The following CACNG5 variants were observed in gnomAD, a reference collection of about 807,000 sequenced individuals.
CACNG5 encodes calcium voltage-gated channel auxiliary subunit gamma 5, also known as voltage-dependent calcium channel gamma-5 subunit.
CACNG5 carries 18 observed loss-of-function variants against 24.8 expected under a neutral mutation model. That is an observed-to-expected ratio of 0.73 (90% CI 0.50 to 1.08). The LOEUF (loss-of-function observed/expected upper bound fraction) is 1.08. CACNG5 is among the 50% of genes least tolerant of loss of function. The pLI, the probability that CACNG5 is intolerant of heterozygous loss-of-function variation, is 0.00. For synonymous variants in CACNG5, 157 were observed against 149.1 expected (o/e 1.05, Z -0.39); for missense variants, 349 against 367.9 (o/e 0.95, Z 0.42).
chr17:66,857,577 T>C (rs1262159134), intron 1 of CACNG5, among the ~76,000 whole-genome samples: 17 of 152,208 alleles, frequency 1.1e-4, no homozygotes, highest in Admixed American at 1.1e-3. Flanking sequence ...TCATACTACA[T>C]CTTAGAAATC....
rs1977313254 is a variant in CACNG5, at chr17:66,889,644, G to T, written c.*4404G>T. Among the ~76,000 whole-genome samples the T allele has an allele frequency of 6.6e-6, 1 of 152,198 alleles. No homozygotes were observed. The highest frequency in any genetic ancestry group is 1.5e-5 in the Non-Finnish European group (1 of 68,044). On this transcript the variant is annotated 3_prime_UTR_variant, in exon 6 of 6. Transcript: ENST00000533854. ...CTGGTTGGGCTGGAGACCCGGTGAG[G>T]ACTTGCAGTTCAAGTCCAAACTTGC...
chr17:66,892,280 C>A lies in CACNG5; in HGVS notation c.*7040C>A, dbSNP rs1300060384. On this transcript the variant is annotated 3_prime_UTR_variant, in exon 6 of 6. Coordinates refer to ENST00000533854, the MANE Select transcript of CACNG5 (RefSeq NM_145811.3). ...CATGGGCTCATGCCCAGCCCTTCTG[C>A]CTCTGAGCCCTTTCCCCAAGGAGCT... 1.3e-5 allele frequency among the ~76,000 whole-genome samples: 2 copies of A among 151,838 alleles called. No homozygotes were observed. The highest frequency in any genetic ancestry group is 2.9e-5 in the Non-Finnish European group (2 of 67,968).
chr17:66,893,071 T>G lies in CACNG5; in HGVS notation c.*7831T>G, dbSNP rs1977366670. Among the ~76,000 whole-genome samples the G allele has an allele frequency of 6.6e-6, 1 of 152,170 alleles. No homozygotes were observed. The highest frequency in any genetic ancestry group is 1.5e-5 in the Non-Finnish European group (1 of 68,028). ...TGCAAGCATTATCTCATGTAACCCTTTCCATCCTGTACGTAGAATACTGAG... is the reference window on the plus strand; with the variant it reads ...TGCAAGCATTATCTCATGTAACCCTGTCCATCCTGTACGTAGAATACTGAG... On this transcript the variant is annotated 3_prime_UTR_variant, in exon 6 of 6. Transcript: ENST00000533854.
intron 1 of CACNG5, among the ~76,000 whole-genome samples, chr17:66,844,949 T>C (rs547650658): frequency 2.6e-5 from 4 of 152,194 alleles, no homozygotes; most frequent in Non-Finnish European, 4.4e-5. Flanking sequence ...AATTCTCTTC[T>C]CTTCATTTAA....
chr17:66,857,942 T>C (rs1976804042), intron 1 of CACNG5, among the ~76,000 whole-genome samples: 1 of 152,194 alleles, frequency 6.6e-6, no homozygotes, highest in African/African-American at 2.4e-5. Context: ...ATGACACTCA[T>C]GGGCAGCGGG....
At chr17:66,872,976 T>C (rs1391987166) in intron 1 of CACNG5, among the ~76,000 whole-genome samples, 1 of 152,230 alleles carries the variant, frequency 6.6e-6, no homozygotes, top group Non-Finnish European at 1.5e-5. Flanking sequence ...TGAGCCCATA[T>C]TTCTTCAGTA....
At chr17:66,850,273 G>C (rs891224439) in intron 1 of CACNG5, among the ~76,000 whole-genome samples, 2 of 152,250 alleles carry the variant, frequency 1.3e-5, no homozygotes, top group Non-Finnish European at 2.9e-5. Context: ...TTAATGGCCT[G>C]TTGAGCTCCC....
At chr17:66,862,705 C>T (rs1375105523) in intron 1 of CACNG5, among the ~76,000 whole-genome samples, 2 of 131,642 alleles carry the variant, frequency 1.5e-5, no homozygotes, top group South Asian at 2.7e-4. Flanking sequence ...AGATATGCTT[C>T]CACATGCATC....
Position 66,894,627 on chromosome 17 carries a change from C to G in CACNG5, c.*9387C>G, listed in dbSNP as rs564248812. On this transcript the variant is annotated 3_prime_UTR_variant, in exon 6 of 6. Transcript: ENST00000533854. ...CATTCATTCATTTTTTTTCCTTCCCCCTCCACCCCATGAGCAACCATTCAG... is the reference window on the plus strand; with the variant it reads ...CATTCATTCATTTTTTTTCCTTCCCGCTCCACCCCATGAGCAACCATTCAG... Among the ~76,000 whole-genome samples the G allele has an allele frequency of 6.6e-6, 1 of 151,948 alleles. No individual in the cohort carries two copies. Among genetic ancestry groups the G allele is most frequent in the African/African-American group, 2.4e-5 (1 of 41,358 alleles).
At chr17:66,841,251 C>T (rs1441827787) in intron 1 of CACNG5, among the ~76,000 whole-genome samples, 1 of 152,128 alleles carries the variant, frequency 6.6e-6, no homozygotes, top group Non-Finnish European at 1.5e-5. Context: ...GACAGATGGT[C>T]ACATTCATTT....
At chr17:66,880,498 T>A in intron 3 of CACNG5, 59 bp from the exon 4 acceptor site, 1 of 1,606,972 alleles carries the variant, frequency 6.2e-7, no homozygotes, top group Admixed American at 1.7e-5. Flanking sequence ...CAACTCAGGA[T>A]GATGAGGAAT....
chr17:66,879,162 T>G (rs1056137496), intron 3 of CACNG5, 104 bp downstream of exon 3: 1 of 787,896 alleles, frequency 1.3e-6, no homozygotes, highest in African/African-American at 1.7e-5. Context: ...GGAATGCCCT[T>G]AGACTCAGCT....
At chr17:66,871,751 T>A (rs905525896) in intron 1 of CACNG5, among the ~76,000 whole-genome samples, 1 of 152,132 alleles carries the variant, frequency 6.6e-6, no homozygotes, top group African/African-American at 2.4e-5. Flanking sequence ...TCCCAGCTAC[T>A]CAGGAGGCTG....
chr17:66,869,052 T>C, intron 1 of CACNG5, among the ~76,000 whole-genome samples: 1 of 152,188 alleles, frequency 6.6e-6, no homozygotes, highest in East Asian at 1.9e-4. Context: ...TTTATCGCTC[T>C]TTGGGTATCA....
At chr17:66,880,379 C>T (rs73333291) in intron 3 of CACNG5, among the ~76,000 whole-genome samples, 178 bp from the exon 4 acceptor site, 5,713 of 152,244 alleles carry the variant, frequency 0.038, 348 homozygotes, top group East Asian at 0.12. Flanking sequence ...GGGACAAAAG[C>T]CCTGCTAGTA....
rs1977242318 is a variant in CACNG5 at position 66,885,301 on chromosome 17, G to A, written c.*61G>A. On this transcript the variant is annotated 3_prime_UTR_variant, in exon 6 of 6. Transcript: ENST00000533854. ...CAGACAACCCTTCCTGTTCTCTCCAGGTGACCCCTGAGCCCCAGGCCTGTG... is the reference window on the plus strand; with the variant it reads ...CAGACAACCCTTCCTGTTCTCTCCAAGTGACCCCTGAGCCCCAGGCCTGTG... 1 of 1,513,144 alleles carries A rather than the reference G, an allele frequency of 6.6e-7. No individual in the cohort carries two copies. Among genetic ancestry groups the A allele is most frequent in the Non-Finnish European group, 8.8e-7 (1 of 1,138,326 alleles). 93.7% of individuals were successfully genotyped at this position (1,513,144 alleles called of 1,614,324 possible).
Position 66,889,928 on chromosome 17 carries a change from G to A in CACNG5, c.*4688G>A, listed in dbSNP as rs559070530. On this transcript the variant is annotated 3_prime_UTR_variant, in exon 6 of 6. Coordinates refer to ENST00000533854, the MANE Select transcript of CACNG5 (RefSeq NM_145811.3). ...CCATTGTAAGTGGAGAAAGGACAGC[G>A]GAGGCCGGGGGAGCCACATTCCACC... is the stretch of plus-strand genomic sequence containing the variant. Among the ~76,000 whole-genome samples the A allele has an allele frequency of 1.4e-4, 22 of 152,306 alleles. No individual in the cohort carries two copies. The highest frequency in any genetic ancestry group is 3.4e-3 in the Middle Eastern group (1 of 294).
chr17:66,880,707 G>A lies in CACNG5; in HGVS notation c.424+10G>A. ...TTCTTTATCCTCTCAGGTAAGTTGT[G>A]TTGTTTTCTTTTCTTGCACCCTGGA... On this transcript the variant is annotated intron_variant, in intron 4 of 5. Coordinates refer to ENST00000533854, the MANE Select transcript of CACNG5 (RefSeq NM_145811.3). 1 of 1,611,560 alleles carries A rather than the reference G, an allele frequency of 6.2e-7. No individual in the cohort carries two copies. The highest frequency in any genetic ancestry group is 1.1e-5 in the South Asian group (1 of 90,422).
chr17:66,885,449 C>G lies in CACNG5; in HGVS notation c.*209C>G, dbSNP rs1977244582. ...TGGGAGTCTGGAGTCTGTGGGCAAGCTGATTGTCTGGGAACATGGGAGAAG... is the reference window on the plus strand; with the variant it reads ...TGGGAGTCTGGAGTCTGTGGGCAAGGTGATTGTCTGGGAACATGGGAGAAG... On this transcript the variant is annotated 3_prime_UTR_variant, in exon 6 of 6. Coordinates refer to ENST00000533854, the MANE Select transcript of CACNG5 (RefSeq NM_145811.3). 1.7e-6 allele frequency: 1 copy of G among 588,824 alleles called. No individual in the cohort carries two copies. Among genetic ancestry groups the G allele is most frequent in the African/African-American group, 1.9e-5 (1 of 53,928 alleles). 36.5% of individuals were successfully genotyped at this position (588,824 alleles called of 1,614,324 possible). A position where few individuals can be genotyped will look rare whatever the true frequency, so the allele number is the denominator to read the frequency against.
Sources: allele counts gnomAD v4.1 joint callset (sites outside exome capture counted in the v4.1 genomes callset), GRCh38; gene constraint gnomAD v4.1.1; transcripts MANE v1.5; gene names NCBI Gene and HGNC (gene_info 2026-07-23, HGNC 2026-07-21).